The following ZNF385D variants were observed in gnomAD, a reference collection of about 807,000 sequenced individuals.
ZNF385D encodes the protein zinc finger protein 659.
A neutral mutation model predicts 35.8 loss-of-function variants in ZNF385D; 15 were observed. That is an observed-to-expected ratio of 0.42 (90% CI 0.28 to 0.64). The LOEUF (loss-of-function observed/expected upper bound fraction) is 0.64, where lower values mean the gene tolerates loss of function less well. Among genes scored for constraint, ZNF385D ranks in the 30% least tolerant of loss-of-function variants. The probability of loss-of-function intolerance (pLI) is 0.23; values close to 1 mark genes in which losing one functional copy is unlikely to be tolerated. For synonymous variants in ZNF385D, 212 were observed against 186.8 expected (o/e 1.13, Z -1.10); for missense variants, 474 against 494.6 (o/e 0.96, Z 0.39).
chr3:21,896,507 G>C lies in ZNF385D; in HGVS notation c.326-231479C>G, dbSNP rs2125890508. Reference sequence around the variant, plus strand: ...TAATTTTGAACTGAATTATATGGGGGCAAAGAGGTGGGGCCTGGGCCTTTT... The same window carrying C: ...TAATTTTGAACTGAATTATATGGGGCCAAAGAGGTGGGGCCTGGGCCTTTT... On this transcript the variant is annotated intron_variant, in intron 3 of 5. Transcript: ENST00000494108. Among the ~76,000 whole-genome samples the C allele has an allele frequency of 1.3e-5, 2 of 152,238 alleles. 1 individual carries two copies. Among genetic ancestry groups the C allele is most frequent in the African/African-American group, 4.8e-5 (2 of 41,552 alleles).
At chr3:22,084,406 A>C (rs1270719599) in intron 3 of ZNF385D, among the ~76,000 whole-genome samples, 2 of 152,170 alleles carry the variant, frequency 1.3e-5, no homozygotes, top group Non-Finnish European at 2.9e-5. Context: ...AATGGAAAAC[A>C]AAAAAAGCAG....
rs111480990 is a variant in ZNF385D, at chr3:21,981,629, T to C, written c.325+187188A>G. 2.5e-4 allele frequency among the ~76,000 whole-genome samples: 38 copies of C among 152,302 alleles called. 1 individual carries two copies. Among genetic ancestry groups the C allele is most frequent in the African/African-American group, 5.3e-4 (22 of 41,572 alleles). On this transcript the variant is annotated intron_variant, in intron 3 of 5. Coordinates refer to the ZNF385D transcript ENST00000494108. ...TGCTTTTGGTGTCTTTGTCATAAAA[T>C]CTTTGCCTGTTCCTATGTCCAGGGT...
chr3:21,992,483 A>G (rs2125397951), intron 3 of ZNF385D, among the ~76,000 whole-genome samples: 1 of 152,274 alleles, frequency 6.6e-6, no homozygotes, highest in East Asian at 1.9e-4. Flanking sequence ...TCATGTATTC[A>G]ACTCTTCCCG....
chr3:21,925,774 C>G (rs759128530), intron 3 of ZNF385D, among the ~76,000 whole-genome samples: 14 of 151,900 alleles, frequency 9.2e-5, no homozygotes, highest in Admixed American at 2.0e-4. Context: ...ACTTTCAAAA[C>G]TTGACAGTAA....
At chr3:21,856,980 A>G (rs1159914132) in intron 3 of ZNF385D, among the ~76,000 whole-genome samples, 1 of 152,092 alleles carries the variant, frequency 6.6e-6, no homozygotes, top group Non-Finnish European at 1.5e-5. Context: ...TAACCTTCTC[A>G]TGTTTAACCA....
chr3:22,204,374 A>G (rs1697008199), intron 2 of ZNF385D, among the ~76,000 whole-genome samples: 1 of 152,024 alleles, frequency 6.6e-6, no homozygotes, highest in East Asian at 1.9e-4. Flanking sequence ...TACCTGGAAA[A>G]TCTTTCCCAG....
chr3:21,919,710 C>T (rs1344442180), intron 3 of ZNF385D, among the ~76,000 whole-genome samples: 1 of 152,182 alleles, frequency 6.6e-6, no homozygotes, highest in Non-Finnish European at 1.5e-5. Context: ...TTCACAGTTG[C>T]TCATACTACC....
intron 3 of ZNF385D, among the ~76,000 whole-genome samples, chr3:21,549,967 C>A (rs777891545): frequency 6.6e-5 from 10 of 152,108 alleles, no homozygotes; most frequent in Non-Finnish European, 1.5e-4. Flanking sequence ...AAAAGGAAAT[C>A]TTTAGAAAAT....
At chr3:21,802,458 G>A (rs1293127968) in intron 3 of ZNF385D, among the ~76,000 whole-genome samples, 3 of 152,130 alleles carry the variant, frequency 2.0e-5, no homozygotes, top group African/African-American at 7.2e-5. Flanking sequence ...AAAGCACTGT[G>A]TAAGTAACAG....
intron 3 of ZNF385D, among the ~76,000 whole-genome samples, chr3:22,078,728 T>C (rs1342990771): frequency 2.6e-5 from 4 of 152,182 alleles, no homozygotes; most frequent in South Asian, 2.1e-4. Context: ...ATCATAAGTA[T>C]TGGCAAGTTG....
At position 22,357,208 on chromosome 3, in the gene ZNF385D, A is replaced by G. The variant is rs1033567851; in HGVS notation, c.106+15242T>C. ...TCTCCAAGTTTCCAAGTGAACTTGA[A>G]TTGTTTTTAAGTTTCAGGAAGTGTT... On this transcript the variant is annotated intron_variant, in intron 2 of 5. Coordinates refer to the ZNF385D transcript ENST00000494108. Among the ~76,000 whole-genome samples, 7 of 152,040 alleles carry G rather than the reference A, an allele frequency of 4.6e-5. No homozygotes were observed. The East Asian group carries it at 1.4e-3, about 29-fold the overall frequency.
chr3:21,705,374 C>T (rs1050774748), intron 1 of ZNF385D, among the ~76,000 whole-genome samples: 6 of 152,112 alleles, frequency 3.9e-5, no homozygotes, highest in Non-Finnish European at 8.8e-5. Flanking sequence ...AGCAAGTTCT[C>T]CTATATTTAT....
At chr3:21,928,559 AATTT>A (rs1391848160) in intron 3 of ZNF385D, among the ~76,000 whole-genome samples, 1 of 152,176 alleles carries the variant, frequency 6.6e-6, no homozygotes, top group African/African-American at 2.4e-5. Context: ...CATATTTCAT[AATTT>A]GTTATTTGAA....
intron 2 of ZNF385D, among the ~76,000 whole-genome samples, chr3:21,597,910 C>T (rs1253966835): frequency 1.3e-5 from 2 of 152,076 alleles, no homozygotes; most frequent in Admixed American, 1.3e-4. Context: ...GGGATCTCTT[C>T]TGTATGGCAA....
At chr3:22,342,276 C>CAAAA (rs766689054) in intron 2 of ZNF385D, among the ~76,000 whole-genome samples, 182 of 53,386 alleles carry the variant, frequency 3.4e-3, no homozygotes, top group East Asian at 8.9e-3. Flanking sequence ...GACTCCGCCT[C>CAAAA]AAAAAAAAAA....
intron 3 of ZNF385D, among the ~76,000 whole-genome samples, chr3:22,048,057 C>G (rs1699113954): frequency 6.6e-6 from 1 of 152,042 alleles, no homozygotes; most frequent in South Asian, 2.1e-4. Context: ...TGAGAAACAT[C>G]CATTCATTTT....
At chr3:21,793,718 T>C (rs776679193) in intron 3 of ZNF385D, among the ~76,000 whole-genome samples, 3 of 152,216 alleles carry the variant, frequency 2.0e-5, no homozygotes, top group South Asian at 2.1e-4. Flanking sequence ...TAAATAGTTC[T>C]GTGCTCGGGT....
At chr3:22,012,067 G>T (rs1164976406) in intron 3 of ZNF385D, among the ~76,000 whole-genome samples, 1 of 152,102 alleles carries the variant, frequency 6.6e-6, no homozygotes, top group African/African-American at 2.4e-5. Context: ...CTTTGTGCAA[G>T]GGTTCCTAAT....
intron 4 of ZNF385D, among the ~76,000 whole-genome samples, chr3:21,464,152 A>C (rs2125321400): frequency 6.6e-6 from 1 of 152,350 alleles, no homozygotes; most frequent in South Asian, 2.1e-4. Context: ...TTGATAAAGC[A>C]GTTTTTCAAT....
Sources: allele counts gnomAD v4.1 joint callset (sites outside exome capture counted in the v4.1 genomes callset), GRCh38; gene constraint gnomAD v4.1.1; transcripts MANE v1.5; gene names NCBI Gene and HGNC (gene_info 2026-07-23, HGNC 2026-07-21).